The following IQCM variants were observed in gnomAD, a reference collection of about 807,000 sequenced individuals.
IQCM encodes IQ domain-containing protein M.
A neutral mutation model predicts 57.6 loss-of-function variants in IQCM; 45 were observed. That is an observed-to-expected ratio of 0.78 (90% CI 0.62 to 1.00). The LOEUF (loss-of-function observed/expected upper bound fraction) is 1.00, where lower values mean the gene tolerates loss of function less well. IQCM is among the 50% of genes least tolerant of loss of function. The pLI is 0.00. For missense variants in IQCM, 468 were observed against 511.6 expected, an observed-to-expected ratio of 0.91 and a Z score of 0.82; for synonymous variants, 148 against 158.9, an observed-to-expected ratio of 0.93 and a Z score of 0.51.
intron 13 of IQCM, among the ~76,000 whole-genome samples, chr4:149,353,442 A>G (rs1728713705): frequency 6.6e-6 from 1 of 152,222 alleles, no homozygotes; most frequent in South Asian, 2.1e-4. Context: ...GCATATACCC[A>G]AAGGAAATGA....
chr4:149,389,524 A>G (rs1031049451), intron 13 of IQCM, among the ~76,000 whole-genome samples: 26 of 151,796 alleles, frequency 1.7e-4, no homozygotes, highest in African/African-American at 6.1e-4. Flanking sequence ...AATACTATGC[A>G]GCCATAAAAA....
intron 12 of IQCM, among the ~76,000 whole-genome samples, chr4:149,447,256 G>C (rs1213389877): frequency 6.6e-6 from 1 of 151,386 alleles, no homozygotes; most frequent in Non-Finnish European, 1.5e-5. Flanking sequence ...ATACCAGTAA[G>C]GTCAAATTCA....
At chr4:149,593,314 G>C (rs574460458) in intron 8 of IQCM, among the ~76,000 whole-genome samples, 1 of 152,138 alleles carries the variant, frequency 6.6e-6, no homozygotes, top group African/African-American at 2.4e-5. Context: ...TTTGTATCCT[G>C]AGACTTTGCT....
intron 12 of IQCM, among the ~76,000 whole-genome samples, chr4:149,545,864 A>T (rs550202323): frequency 4.1e-4 from 62 of 152,224 alleles, no homozygotes; most frequent in Non-Finnish European, 8.4e-4. Context: ...ACATGTGCAC[A>T]ACGTGAAGGT....
At chr4:149,422,639 G>T (rs1020476649) in intron 13 of IQCM, among the ~76,000 whole-genome samples, 1 of 151,954 alleles carries the variant, frequency 6.6e-6, no homozygotes, top group Non-Finnish European at 1.5e-5. Context: ...GTGCATGAAG[G>T]GGGTGGAGTA....
intron 12 of IQCM, among the ~76,000 whole-genome samples, chr4:149,524,609 C>A (rs1745979586): frequency 6.6e-6 from 1 of 151,754 alleles, no homozygotes; most frequent in Admixed American, 6.6e-5. Flanking sequence ...TAATACACCT[C>A]TTTAAAATTT....
chr4:149,622,311 C>A (rs1756408158), intron 7 of IQCM, among the ~76,000 whole-genome samples: 1 of 151,482 alleles, frequency 6.6e-6, no homozygotes, highest in Non-Finnish European at 1.5e-5. Flanking sequence ...TCATATATTT[C>A]AATCACAATC....
chr4:149,715,147 TG>T (rs1764882758), intron 5 of IQCM, among the ~76,000 whole-genome samples: 1 of 152,174 alleles, frequency 6.6e-6, no homozygotes, highest in Admixed American at 6.5e-5. Context: ...TGCCTTTGCC[TG>T]AGTTTTGCTG....
intron 12 of IQCM, among the ~76,000 whole-genome samples, chr4:149,452,522 T>C (rs1190564141): frequency 3.3e-5 from 5 of 151,498 alleles, no homozygotes; most frequent in Non-Finnish European, 5.9e-5. Flanking sequence ...GGTTCAGAAA[T>C]AGACCCAGAT....
chr4:149,481,701 G>GTTTTTTTTTTTTTTTTTTTTGTTTTTT (rs1740844816), intron 12 of IQCM, among the ~76,000 whole-genome samples: 2 of 51,550 alleles, frequency 3.9e-5, no homozygotes, highest in East Asian at 5.3e-4. Context: ...TTCCAGTTTT[G>GTTTTTTTTTTTTTTTTTTTTGTTTTTT]TTTTTTTTTT....
chr4:149,404,685 A>G (rs1173989186), intron 13 of IQCM, among the ~76,000 whole-genome samples: 1 of 152,100 alleles, frequency 6.6e-6, no homozygotes, highest in Non-Finnish European at 1.5e-5. Flanking sequence ...AAGTACAGTT[A>G]GTGACCATAG....
intron 2 of IQCM, among the ~76,000 whole-genome samples, chr4:149,751,887 G>C (rs992288571): frequency 2.5e-4 from 38 of 152,234 alleles, no homozygotes; most frequent in African/African-American, 9.1e-4. Context: ...GATGGCGAGT[G>C]CCTCAAGGCC....
chr4:149,706,525 G>A lies in IQCM; in HGVS notation c.386-20057C>T, dbSNP rs147542595. Among the ~76,000 whole-genome samples the A allele has an allele frequency of 2.9e-3, 443 of 152,046 alleles. 3 individuals carry two copies. The highest frequency in any genetic ancestry group is 8.6e-3 in the African/African-American group (355 of 41,510). ...TTGATGTTACCTGCTGATCTTAGAA[G>A]AGCATTTGAGTTTGGAACTCATGAC... On this transcript the variant is annotated intron_variant, in intron 5 of 13. Transcript: ENST00000636793.
intron 12 of IQCM, among the ~76,000 whole-genome samples, chr4:149,480,417 A>G (rs984847587): frequency 6.6e-6 from 1 of 151,884 alleles, no homozygotes; most frequent in Non-Finnish European, 1.5e-5. Flanking sequence ...CCTTCCCATT[A>G]CCCTACCTAG....
chr4:149,737,278 T>C (rs190710156), intron 3 of IQCM, among the ~76,000 whole-genome samples: 14 of 152,344 alleles, frequency 9.2e-5, no homozygotes, highest in Non-Finnish European at 1.6e-4. Flanking sequence ...GCATATATTA[T>C]CATTAGTGTA....
intron 13 of IQCM, among the ~76,000 whole-genome samples, chr4:149,369,014 GTATATA>G (rs59034048): frequency 5.6e-4 from 30 of 53,746 alleles, no homozygotes; most frequent in Non-Finnish European, 7.6e-4. Flanking sequence ...ATATACACGT[GTATATA>G]TATATATATA....
chr4:149,413,283 A>G (rs909872880), intron 13 of IQCM, among the ~76,000 whole-genome samples: 1 of 152,244 alleles, frequency 6.6e-6, no homozygotes, highest in Non-Finnish European at 1.5e-5. Context: ...TTTGCCTGTT[A>G]AAGAGACTAA....
rs749683668 is a variant in IQCM at position 149,540,601 on chromosome 4, C to T, written c.1228+7854G>A. Among the ~76,000 whole-genome samples, 53 of 151,908 alleles carry T rather than the reference C, an allele frequency of 3.5e-4. 1 individual carries two copies. The highest frequency in any genetic ancestry group is 2.6e-4 in the Non-Finnish European group (18 of 67,994). ...CTGAAATTAAATCTTATGCATGAAG[C>T]CTGAAAATAAAAAGTAAGTCTTAAA... On this transcript the variant is annotated intron_variant, in intron 12 of 13. Transcript: ENST00000636793.
intron 13 of IQCM, among the ~76,000 whole-genome samples, chr4:149,369,036 G>GTGTATATATATATATACACACGTGTA (rs1730176234): frequency 1.6e-5 from 1 of 60,626 alleles, no homozygotes; most frequent in Non-Finnish European, 3.5e-5. Flanking sequence ...ATATACATGT[G>GTGTATATATATATATACACACGTGTA]TATATATATA....
Sources: gnomAD v4.1 joint callset for allele counts (sites outside exome capture counted in the v4.1 genomes callset) on GRCh38, gnomAD v4.1.1 for gene constraint, MANE v1.5 for transcripts, NCBI Gene and HGNC (gene_info 2026-07-23, HGNC 2026-07-21) for gene names.